The following ASTN2 variants were observed in gnomAD, a reference collection of about 807,000 sequenced individuals.
ASTN2 encodes astrotactin 2, also known as astrotactin-2.
A neutral mutation model predicts 139.8 loss-of-function variants in ASTN2; 54 were observed. The observed-to-expected ratio is 0.39, with a 90% CI of 0.31 to 0.48. The LOEUF (loss-of-function observed/expected upper bound fraction) is 0.48. Among genes scored for constraint, ASTN2 ranks in the 20% least tolerant of loss-of-function variants. The probability of loss-of-function intolerance (pLI) is 0.95; values close to 1 mark genes in which losing one functional copy is unlikely to be tolerated. For missense variants in ASTN2, 1,565 were observed against 1,725.1 expected (o/e 0.91, Z 1.64); for synonymous variants, 756 against 719.5 (o/e 1.05, Z -0.81).
intron 19 of ASTN2, among the ~76,000 whole-genome samples, chr9:116,570,385 C>T (rs1853449320): frequency 7.0e-6 from 1 of 143,472 alleles, no homozygotes; most frequent in African/African-American, 2.8e-5. Flanking sequence ...AACATGAGGG[C>T]TTTTAGTCTC....
chr9:116,648,966 G>A (rs558533692), intron 17 of ASTN2, among the ~76,000 whole-genome samples: 9 of 152,038 alleles, frequency 5.9e-5, no homozygotes, highest in Admixed American at 3.3e-4. Flanking sequence ...CCCAGGAGGC[G>A]GAGGTTGCAG....
chr9:116,894,461 G>C (rs1206958432), intron 10 of ASTN2, among the ~76,000 whole-genome samples: 1 of 152,170 alleles, frequency 6.6e-6, no homozygotes, highest in Admixed American at 6.5e-5. Context: ...CCTGATGATA[G>C]ATAAAATATT....
chr9:116,716,550 C>A (rs1012515540), intron 16 of ASTN2, among the ~76,000 whole-genome samples: 44 of 152,250 alleles, frequency 2.9e-4, no homozygotes, highest in Middle Eastern at 3.4e-3. Flanking sequence ...AAACACCTTA[C>A]ACAAGTCACT....
rs141933159 is a variant in ASTN2, at chr9:117,336,575, G to A, written c.443-45062C>T. On this transcript the variant is annotated intron_variant, in intron 1 of 22. Coordinates refer to ENST00000313400, the MANE Select transcript of ASTN2 (RefSeq NM_001365068.1). ...ATAATATATCCTGTTTATTCTGTGC[G>A]TGGTCTATGCATTCCGTTGAGTACT... Among the ~76,000 whole-genome samples, 523 of 152,232 alleles carry A rather than the reference G, an allele frequency of 3.4e-3. 4 individuals carry two copies. The highest frequency in any genetic ancestry group is 5.6e-3 in the South Asian group (27 of 4,822).
At chr9:117,046,021 T>C (rs1444296655) in intron 5 of ASTN2, among the ~76,000 whole-genome samples, 1 of 147,810 alleles carries the variant, frequency 6.8e-6, no homozygotes, top group Non-Finnish European at 1.5e-5. Flanking sequence ...TGTATGTATG[T>C]ATGTAGTCTC....
intron 2 of ASTN2, among the ~76,000 whole-genome samples, chr9:117,218,461 C>T (rs188660276): frequency 1.6e-4 from 25 of 152,280 alleles, no homozygotes; most frequent in African/African-American, 5.3e-4. Context: ...TGGGGCTCAT[C>T]GTGCCACTGA....
chr9:116,742,156 A>C (rs1411634217), intron 13 of ASTN2, among the ~76,000 whole-genome samples: 1 of 152,214 alleles, frequency 6.6e-6, no homozygotes, highest in Admixed American at 6.5e-5. Context: ...CGGAAATCCT[A>C]TTTCAGCTTT....
intron 20 of ASTN2, among the ~76,000 whole-genome samples, chr9:116,462,788 A>ATG (rs55926547): frequency 0.02 from 2,912 of 146,122 alleles, 30 homozygotes; most frequent in Middle Eastern, 0.031. Context: ...TTGGGTGAGC[A>ATG]TGTGTGTGTG....
intron 6 of ASTN2, among the ~76,000 whole-genome samples, chr9:117,030,801 C>T (rs1838225715): frequency 6.6e-6 from 1 of 151,632 alleles, no homozygotes; most frequent in Admixed American, 6.6e-5. Flanking sequence ...ATCCACAGCT[C>T]CCAGCCATTG....
At chr9:117,194,825 A>G (rs561933503) in intron 3 of ASTN2, among the ~76,000 whole-genome samples, 12 of 152,336 alleles carry the variant, frequency 7.9e-5, no homozygotes, top group African/African-American at 2.9e-4. Context: ...TACATTCTTT[A>G]TGAGATAGAT....
chr9:116,810,107 T>C (rs991804940), intron 12 of ASTN2, among the ~76,000 whole-genome samples: 3 of 152,086 alleles, frequency 2.0e-5, no homozygotes, highest in South Asian at 2.1e-4. Flanking sequence ...AAGCTTCTGG[T>C]TGGGGGAGGG....
chr9:116,969,493 A>G (rs1928983), intron 10 of ASTN2, among the ~76,000 whole-genome samples: 148,039 of 152,276 alleles, frequency 0.97, 72,089 homozygotes, highest in East Asian at 1. Context: ...CTCTGGCAAC[A>G]CTTAATTGTG....
intron 6 of ASTN2, among the ~76,000 whole-genome samples, chr9:117,016,655 TAAC>T: frequency 4.9e-5 from 1 of 20,578 alleles, no homozygotes. Flanking sequence ...TATATATATA[TAAC>T]CTATATATAT....
At chr9:116,743,781 G>T (rs572557749) in intron 13 of ASTN2, among the ~76,000 whole-genome samples, 1 of 152,306 alleles carries the variant, frequency 6.6e-6, no homozygotes, top group East Asian at 1.9e-4. Context: ...GGGATTTCAG[G>T]CGTGAGCCAC....
chr9:117,324,164 C>A (rs1440924237), intron 1 of ASTN2, among the ~76,000 whole-genome samples: 1 of 152,122 alleles, frequency 6.6e-6, no homozygotes, highest in Admixed American at 6.5e-5. Flanking sequence ...GAGGCCAGGA[C>A]ACCTATGCTG....
chr9:117,372,584 C>T lies in ASTN2; in HGVS notation c.442+41913G>A, dbSNP rs553410941. Among the ~76,000 whole-genome samples the T allele has an allele frequency of 9.5e-4, 144 of 152,056 alleles. 1 individual carries two copies. Among genetic ancestry groups the T allele is most frequent in the African/African-American group, 3.1e-3 (130 of 41,478 alleles). ...CTGCAAACTGGATATAATAACAGTA[C>T]GTAATTCAAAATGTTACAAGAATTA... On this transcript the variant is annotated intron_variant, in intron 1 of 22. Coordinates refer to ENST00000313400, the MANE Select transcript of ASTN2 (RefSeq NM_001365068.1).
At chr9:117,119,740 T>C (rs150616960) in intron 4 of ASTN2, among the ~76,000 whole-genome samples, 6 of 151,884 alleles carry the variant, frequency 4.0e-5, no homozygotes, top group Admixed American at 6.6e-5. Flanking sequence ...CTTCCTCTGA[T>C]AGATGGGATT....
chr9:116,526,329 A>C (rs1851087713), intron 19 of ASTN2, among the ~76,000 whole-genome samples: 1 of 152,294 alleles, frequency 6.6e-6, no homozygotes, highest in Middle Eastern at 3.4e-3. Context: ...ATGTGACAAA[A>C]GACTGGGCAC....
intron 16 of ASTN2, among the ~76,000 whole-genome samples, chr9:116,718,970 C>CTATATATATATATATATATA (rs1828392449): frequency 7.7e-5 from 2 of 25,932 alleles, no homozygotes; most frequent in Non-Finnish European, 8.3e-5. Context: ...ATACCTGTAT[C>CTATATATATATATATATATA]TGTACATATA....
Sources: allele counts gnomAD v4.1 joint callset (sites outside exome capture counted in the v4.1 genomes callset), GRCh38; gene constraint gnomAD v4.1.1; transcripts MANE v1.5; gene names NCBI Gene and HGNC (gene_info 2026-07-23, HGNC 2026-07-21).